The following SPATA9 variants were observed in gnomAD, a reference collection of about 807,000 sequenced individuals.
The protein encoded by SPATA9 is spermatogenesis associated 9, also known as spermatogenesis-associated protein 9.
SPATA9 carries 27 observed loss-of-function variants against 25.5 expected under a neutral mutation model. The ratio of observed to expected loss-of-function variants is 1.06; its 90% CI spans 0.78 to 1.46. SPATA9 has a LOEUF of 1.46. Among genes scored for constraint, SPATA9 ranks in the 40% most tolerant of loss-of-function variants. SPATA9 has a pLI of 0.00. For synonymous variants in SPATA9, 102 were observed against 105.7 expected (o/e 0.97, Z 0.21); for missense variants, 282 against 297.5 (o/e 0.95, Z 0.38).
upstream of SPATA9, chr5:95,698,828 C>A (rs1421621525): frequency 6.6e-6 from 1 of 152,136 alleles, no homozygotes; most frequent in African/African-American, 2.4e-5. Context: ...TACTTATTAC[C>A]TGAGAGCAAC....
the SPATA9 span, among the ~76,000 whole-genome samples, chr5:95,729,921 T>C: frequency 2.0e-5 from 3 of 152,220 alleles, no homozygotes; most frequent in African/African-American, 7.2e-5. Context: ...TCCATTCTAG[T>C]GTCTTTGTTT....
At chr5:95,686,032 C>A (rs1025485981), upstream of SPATA9, among the ~76,000 whole-genome samples, 10 of 152,108 alleles carry the variant, frequency 6.6e-5, no homozygotes, top group African/African-American at 2.2e-4. Flanking sequence ...AGGCAGGTAA[C>A]CATGTTGGCC....
At chr5:95,697,280 A>G (rs1754047186) in intron 1 of SPATA9, among the ~76,000 whole-genome samples, 1 of 151,872 alleles carries the variant, frequency 6.6e-6, no homozygotes, top group Non-Finnish European at 1.5e-5. Context: ...CAGAAGATCT[A>G]CTCCCAAGTT....
chr5:95,664,766 CAGTT>C (rs985308624), intron 3 of SPATA9, among the ~76,000 whole-genome samples: 75 of 152,290 alleles, frequency 4.9e-4, no homozygotes, highest in Admixed American at 1.8e-3. Context: ...AGTGAAGTGA[CAGTT>C]AGCCAGGCTC....
At chr5:95,681,917 A>T (rs949874163) in intron 2 of SPATA9, among the ~76,000 whole-genome samples, 2 of 152,212 alleles carry the variant, frequency 1.3e-5, no homozygotes, top group African/African-American at 4.8e-5. Flanking sequence ...ACATTTTTCC[A>T]TTAAGAGCTG....
At chr5:95,678,978 G>A (rs891150970) in intron 2 of SPATA9, among the ~76,000 whole-genome samples, 1 of 152,156 alleles carries the variant, frequency 6.6e-6, no homozygotes, top group African/African-American at 2.4e-5. Context: ...TCCTATTTGA[G>A]TTGGGTAAAG....
chr5:95,714,705 A>G, the SPATA9 span, among the ~76,000 whole-genome samples: 1 of 149,800 alleles, frequency 6.7e-6, no homozygotes, highest in Admixed American at 6.7e-5. Context: ...TAATAATGGG[A>G]CTTAGCAGAG....
intron 1 of SPATA9, among the ~76,000 whole-genome samples, chr5:95,689,142 T>A (rs935487182): frequency 6.6e-5 from 10 of 152,130 alleles, no homozygotes; most frequent in Non-Finnish European, 1.0e-4. Flanking sequence ...ATGTGACACA[T>A]CCCAACAACA....
At chr5:95,712,543 G>T in the SPATA9 span, among the ~76,000 whole-genome samples, 1 of 152,172 alleles carries the variant, frequency 6.6e-6, no homozygotes, top group African/African-American at 2.4e-5. Context: ...GCAAGGGCAG[G>T]GTGTGTGTAG....
At chr5:95,731,340 G>A in the SPATA9 span, 3 of 1,111,640 alleles carry the variant, frequency 2.7e-6, no homozygotes, top group Non-Finnish European at 3.3e-6. Flanking sequence ...AGCGGCAGCA[G>A]GAGGCGACAG....
chr5:95,730,810 A>T, the SPATA9 span: 7 of 445,202 alleles, frequency 1.6e-5, no homozygotes, highest in African/African-American at 8.0e-5. Context: ...CTGCAGCAGC[A>T]TGAATGTTGC....
the SPATA9 span, among the ~76,000 whole-genome samples, chr5:95,726,832 G>A: frequency 8.5e-5 from 13 of 152,136 alleles, no homozygotes; most frequent in Non-Finnish European, 1.8e-4. Context: ...CAGCCCTCCC[G>A]CTGCCCCTCA....
At position 95,658,723 on chromosome 5, in the gene SPATA9, A is replaced by G. The variant is rs1750956684; in HGVS notation, c.665T>C (p.Ile222Thr). 1.9e-6 allele frequency: 3 copies of G among 1,613,894 alleles called. No homozygotes were observed. Among genetic ancestry groups the G allele is most frequent in the Middle Eastern group, 1.6e-4 (1 of 6,062 alleles). ...AGCAAGAAGCTTGGGGTAATCTGAA[A>G]TGTCTGGCTTCTCCGGCAATGACCT... ...PYRSLPEKPD[I>T]SDYPKLLANK... The change falls in exon 5 of 5, where the codon ATT becomes ACT. Residue 222 changes from isoleucine (I) to threonine (T), a missense_variant. Ile to Thr is a moderately conservative substitution (Grantham distance 89). Coordinates refer to ENST00000274432, the MANE Select transcript of SPATA9 (RefSeq NM_031952.4).
intron 2 of SPATA9, among the ~76,000 whole-genome samples, chr5:95,679,908 G>GT (rs35798463): frequency 6.6e-6 from 1 of 152,122 alleles, no homozygotes; most frequent in Non-Finnish European, 1.5e-5. Flanking sequence ...TTGTTTGTTT[G>GT]TTTTTTTGAG....
intron 4 of SPATA9, among the ~76,000 whole-genome samples, chr5:95,663,130 A>G (rs1257650064): frequency 6.6e-6 from 1 of 152,240 alleles, no homozygotes; most frequent in Admixed American, 6.5e-5. Flanking sequence ...AATGTCCATC[A>G]GCAGTAGAAT....
exon 9 of SPATA9, chr5:95,653,209 T>C (rs529360506): frequency 3.2e-6 from 5 of 1,551,594 alleles, no homozygotes; most frequent in Non-Finnish European, 4.4e-6. Context: ...CCAGTTTTTA[T>C]CTGAGGTAAG....
intron 2 of SPATA9, among the ~76,000 whole-genome samples, chr5:95,678,182 G>C (rs1158533652): frequency 6.6e-6 from 1 of 152,146 alleles, no homozygotes; most frequent in South Asian, 2.1e-4. Flanking sequence ...TTTGAGACCA[G>C]CCTGGCCAAC....
intron 1 of SPATA9, among the ~76,000 whole-genome samples, chr5:95,698,233 CAG>C (rs991244809): frequency 3.9e-5 from 6 of 151,986 alleles, no homozygotes; most frequent in Non-Finnish European, 1.5e-5. Flanking sequence ...TTGAGATTGG[CAG>C]AGAGGAGGAA....
chr5:95,685,997 C>A (rs993884783), upstream of SPATA9, among the ~76,000 whole-genome samples: 1 of 152,018 alleles, frequency 6.6e-6, no homozygotes, highest in Non-Finnish European at 1.5e-5. Flanking sequence ...CGACCACGCC[C>A]GGCTAATTTT....
Sources: gnomAD v4.1 joint callset for allele counts (sites outside exome capture counted in the v4.1 genomes callset) on GRCh38, gnomAD v4.1.1 for gene constraint, MANE v1.5 for transcripts, NCBI Gene and HGNC (gene_info 2026-07-23, HGNC 2026-07-21) for gene names.